The following CAMK1D variants were observed in gnomAD, a reference collection of about 807,000 sequenced individuals.
CAMK1D encodes calcium/calmodulin dependent protein kinase ID.
In CAMK1D, 9 loss-of-function variants were observed where a neutral mutation model predicts 47.7. That is an observed-to-expected ratio of 0.19 (90% CI 0.11 to 0.33). The LOEUF is 0.33. CAMK1D is among the 10% of genes least tolerant of loss of function. The pLI is 1.00. For synonymous variants in CAMK1D, 184 were observed against 184.9 expected (o/e 0.99, Z 0.04); for missense variants, 291 against 488.7 (o/e 0.60, Z 3.81).
chr10:12,556,150 T>C (rs1381502731), intron 2 of CAMK1D, among the ~76,000 whole-genome samples: 2 of 152,226 alleles, frequency 1.3e-5, no homozygotes, highest in African/African-American at 4.8e-5. Context: ...ACTTTTTTTT[T>C]TGGTCCTCTG....
At chr10:12,477,477 A>G (rs1833935719) in intron 1 of CAMK1D, among the ~76,000 whole-genome samples, 1 of 152,198 alleles carries the variant, frequency 6.6e-6, no homozygotes, top group African/African-American at 2.4e-5. Context: ...TGACTGGGGA[A>G]GACGAAAGGG....
At chr10:12,827,898 G>A (rs1463210618) in intron 10 of CAMK1D, among the ~76,000 whole-genome samples, 1 of 152,014 alleles carries the variant, frequency 6.6e-6, no homozygotes, top group African/African-American at 2.4e-5. Context: ...CAGCTGGTCT[G>A]GAACTCCTGA....
chr10:12,595,316 T>G (rs1488630544), intron 2 of CAMK1D, among the ~76,000 whole-genome samples: 1 of 88,236 alleles, frequency 1.1e-5, no homozygotes, highest in African/African-American at 4.4e-5. Flanking sequence ...CACTCTGGCC[T>G]GGGCAACAAG....
At chr10:12,447,386 G>A (rs1832953106) in intron 1 of CAMK1D, among the ~76,000 whole-genome samples, 1 of 152,130 alleles carries the variant, frequency 6.6e-6, no homozygotes, top group Non-Finnish European at 1.5e-5. Flanking sequence ...CCTTCAGATA[G>A]TTTTTTCCTT....
chr10:12,810,143 T>A, intron 6 of CAMK1D, among the ~76,000 whole-genome samples: 1 of 63,360 alleles, frequency 1.6e-5, no homozygotes. Flanking sequence ...AGAGAGACCC[T>A]GTCTCATTAA....
chr10:12,816,340 C>T lies in CAMK1D; in HGVS notation c.833+12C>T. ...GCTCGGCACCCATGGTAAGGAAATGCACCCGCTCAGCAGACCGTGCCATTT... is the reference window on the plus strand; with the variant it reads ...GCTCGGCACCCATGGTAAGGAAATGTACCCGCTCAGCAGACCGTGCCATTT... On this transcript the variant is annotated intron_variant, in intron 8 of 10. Coordinates refer to ENST00000619168, the MANE Select transcript of CAMK1D (RefSeq NM_153498.4). The T allele has an allele frequency of 1.9e-6, 3 of 1,610,692 alleles. No individual in the cohort carries two copies. The highest frequency in any genetic ancestry group is 1.7e-6 in the Non-Finnish European group (2 of 1,177,810).
intron 1 of CAMK1D, among the ~76,000 whole-genome samples, chr10:12,523,580 C>CA (rs1835514748): frequency 1.3e-5 from 2 of 152,060 alleles, no homozygotes; most frequent in Admixed American, 6.5e-5. Flanking sequence ...CCGTCTCCAC[C>CA]AAAAAAATAC....
chr10:12,478,096 C>A (rs1393992761), intron 1 of CAMK1D, among the ~76,000 whole-genome samples: 1 of 149,282 alleles, frequency 6.7e-6, no homozygotes, highest in African/African-American at 2.5e-5. Context: ...AGCTCCGCCT[C>A]CCGGGTTCAT....
chr10:12,686,719 T>A (rs935312421), intron 3 of CAMK1D, among the ~76,000 whole-genome samples: 1 of 152,212 alleles, frequency 6.6e-6, no homozygotes, highest in Non-Finnish European at 1.5e-5. Flanking sequence ...AGAAAACTGC[T>A]AGGCTTAATT....
chr10:12,547,682 T>TCTCA (rs10643491), intron 1 of CAMK1D, among the ~76,000 whole-genome samples: 37,708 of 116,058 alleles, frequency 0.32, 6,339 homozygotes, highest in Middle Eastern at 0.47. Context: ...TTTCTCTCTC[T>TCTCA]CACACACACA....
intron 5 of CAMK1D, among the ~76,000 whole-genome samples, chr10:12,770,598 A>C (rs1227735365): frequency 6.6e-6 from 1 of 152,230 alleles, no homozygotes; most frequent in Non-Finnish European, 1.5e-5. Flanking sequence ...CATGGAGCTT[A>C]CATTTTAGTT....
chr10:12,466,314 A>C (rs1815351), intron 1 of CAMK1D, among the ~76,000 whole-genome samples: 59,793 of 151,980 alleles, frequency 0.39, 12,576 homozygotes, highest in African/African-American at 0.55. Flanking sequence ...AGGCTGAGGC[A>C]GGAGAATGGT....
At position 12,364,237 on chromosome 10, in the gene CAMK1D, CTTTTTT is replaced by C. The variant is rs35224750; in HGVS notation, c.92+14344_92+14349del. On this transcript the variant is annotated intron_variant, in intron 1 of 10. Transcript: ENST00000619168. ...GTCTCTTGACTCCAATGCGCATTCT[CTTTTTT>C]TTTTTTTTTTTTTTTTGAGATGGAG... Among the ~76,000 whole-genome samples the C allele has an allele frequency of 9.2e-5, 6 of 65,332 alleles. No individual in the cohort carries two copies. In the East Asian group the frequency reaches 2.5e-3, roughly 27 times the overall value. 42.9% of individuals were successfully genotyped at this position (65,332 alleles called of 152,430 possible).
intron 3 of CAMK1D, among the ~76,000 whole-genome samples, chr10:12,755,286 C>T (rs10906218): frequency 0.13 from 20,213 of 151,972 alleles, 1,441 homozygotes; most frequent in Admixed American, 0.16. Flanking sequence ...GAAGTTATGA[C>T]GATTATAGGC....
At position 12,743,881 on chromosome 10, in the gene CAMK1D, G is replaced by T. The variant is rs191924077; in HGVS notation, c.300-17067G>T. Among the ~76,000 whole-genome samples, 2 of 152,252 alleles carry T rather than the reference G, an allele frequency of 1.3e-5. 1 individual carries two copies. Among genetic ancestry groups the T allele is most frequent in the East Asian group, 3.9e-4 (2 of 5,188 alleles). On this transcript the variant is annotated intron_variant, in intron 3 of 10. Coordinates refer to ENST00000619168, the MANE Select transcript of CAMK1D (RefSeq NM_153498.4). ...CTACTAAAAATACAGAAATTAGCTG[G>T]ATGTGGTAGCACACGCCTGTAATCC...
At chr10:12,792,214 C>T (rs60353587) in intron 6 of CAMK1D, among the ~76,000 whole-genome samples, 15,662 of 152,144 alleles carry the variant, frequency 0.1, 2,240 homozygotes, top group African/African-American at 0.32. Context: ...TCTTCTGAGA[C>T]GTCTTATCTC....
rs1412620517 is a variant in CAMK1D, at chr10:12,383,252, A to T, written c.92+33342A>T. Among the ~76,000 whole-genome samples the T allele has an allele frequency of 2.0e-5, 3 of 151,976 alleles. No individual in the cohort carries two copies. The East Asian group carries it at 5.8e-4, about 29-fold the overall frequency. The stretch of plus-strand genomic sequence containing the variant: ...ATAGATTTAAATAAAATTAGAATAG[A>T]TCTTTCCAATTTTTTTTTTTGTTGT... On this transcript the variant is annotated intron_variant, in intron 1 of 10. Coordinates refer to ENST00000619168, the MANE Select transcript of CAMK1D (RefSeq NM_153498.4).
intron 1 of CAMK1D, among the ~76,000 whole-genome samples, chr10:12,514,039 C>G (rs1835115494): frequency 6.6e-6 from 1 of 152,194 alleles, no homozygotes; most frequent in African/African-American, 2.4e-5. Context: ...TGCACACAGG[C>G]ATTTGTCACT....
chr10:12,520,103 T>G (rs1187033052), intron 1 of CAMK1D, among the ~76,000 whole-genome samples: 2 of 78,938 alleles, frequency 2.5e-5, no homozygotes, highest in Non-Finnish European at 5.3e-5. Context: ...ACGGGGTGGC[T>G]GCCGGGCGGA....
Sources: allele counts gnomAD v4.1 joint callset (sites outside exome capture counted in the v4.1 genomes callset), GRCh38; gene constraint gnomAD v4.1.1; transcripts MANE v1.5; gene names NCBI Gene and HGNC (gene_info 2026-07-23, HGNC 2026-07-21).